CAPN2: variants seen among roughly 807,000 people sequenced by gnomAD.
The protein encoded by CAPN2 is calpain 2.
Under a neutral mutation model 102.3 loss-of-function variants are expected in CAPN2, and 92 were observed. The ratio of observed to expected loss-of-function variants is 0.90; its 90% CI spans 0.76 to 1.07. CAPN2 has a LOEUF of 1.07. Among genes scored for constraint, CAPN2 ranks in the 50% least tolerant of loss-of-function variants. CAPN2 has a pLI of 0.00. For missense variants in CAPN2, 800 were observed against 909.4 expected (o/e 0.88, Z 1.55); for synonymous variants, 340 against 355.4 (o/e 0.96, Z 0.49).
rs778826149 is a variant in CAPN2 at position 223,755,572 on chromosome 1, G to A, written c.1228G>A (p.Gly410Arg). The A allele has an allele frequency of 1.9e-6, 3 of 1,613,768 alleles. No individual in the cohort carries two copies. The highest frequency in any genetic ancestry group is 3.3e-5 in the Admixed American group (2 of 59,988). Residue 410 changes from glycine to arginine, a missense_variant, in exon 10 of 21, where the codon GGG (glycine) becomes AGG (arginine). Gly to Arg is a moderately radical substitution (Grantham distance 125). Coordinates refer to ENST00000295006, the MANE Select transcript of CAPN2 (RefSeq NM_001748.5). The surrounding 1 kb of genome is among the most constrained non-coding windows in gnomAD (Gnocchi z 4.1). ...DGESGCTFLV[G>R]LIQKHRRRQR... ...GGAGAGCGGCTGCACCTTCCTGGTG[G>A]GGCTCATTCAGAAGCACCGACGGCG...
rs1441581563 is a variant in CAPN2, at chr1:223,751,945, T to C, written c.900-52T>C. On this transcript the variant is annotated intron_variant, in intron 7 of 20. Transcript: ENST00000295006. ...TCCCTCTTCCTCAACTCTGGGGCCT[T>C]TGGGGAGAAATCATCGTACACTAAC... The C allele has an allele frequency of 9.6e-6, 12 of 1,254,984 alleles. No homozygotes were observed. The East Asian group carries it at 2.3e-4, about 24-fold the overall frequency. The allele number at this position is 1,254,984 out of a possible 1,614,324, so 77.7% of individuals were successfully genotyped here.
chr1:223,759,343 C>A lies in CAPN2; in HGVS notation c.1391C>A (p.Thr464Asn), dbSNP rs1422121995. ...AATCGCGCCAGGGAGCGCTCAGACA[C>A]CTTCATCAACCTCCGGGAGGTGCTC... Reference protein sequence around the residue: ...LTNRARERSDTFINLREVLNR... With the variant: ...LTNRARERSDNFINLREVLNR... The change falls in exon 12 of 21, where the codon ACC becomes AAC. Residue 464 changes from threonine to asparagine, a missense_variant. Transcript: ENST00000295006. The surrounding 1 kb of genome is among the most constrained non-coding windows in gnomAD (Gnocchi z 4.6). The A allele has an allele frequency of 5.0e-6, 8 of 1,614,120 alleles. No homozygotes were observed. The highest frequency in any genetic ancestry group is 4.2e-6 in the Non-Finnish European group (5 of 1,180,046).
Position 223,766,333 on chromosome 1 carries a change from A to G in CAPN2, c.1691-34A>G, listed in dbSNP as rs368807391. The stretch of plus-strand genomic sequence containing the variant: ...AGTTCAGTTGGACATCACCGCTCAG[A>G]GATTTTTCCTGTCACACTGATTTTG... On this transcript the variant is annotated intron_variant, in intron 15 of 20. Transcript: ENST00000295006. 5 of 1,555,826 alleles carry G rather than the reference A, an allele frequency of 3.2e-6. No individual in the cohort carries two copies. The African/African-American group carries it at 6.8e-5, about 21-fold the overall frequency.
chr1:223,728,362 G>A (rs990619878), intron 2 of CAPN2, among the ~76,000 whole-genome samples: 1 of 152,070 alleles, frequency 6.6e-6, no homozygotes, highest in African/African-American at 2.4e-5. Context: ...TCTCTTTTGT[G>A]GTCTCCCCAT....
At chr1:223,746,068 A>AAC (rs1294658228) in intron 4 of CAPN2, among the ~76,000 whole-genome samples, 1 of 152,136 alleles carries the variant, frequency 6.6e-6, no homozygotes, top group Non-Finnish European at 1.5e-5. Flanking sequence ...CCCTCTCCAC[A>AAC]ATGGCCCCAT....
intron 16 of CAPN2, among the ~76,000 whole-genome samples, chr1:223,767,440 TTTGG>T (rs1348108045): frequency 1.5e-4 from 21 of 141,322 alleles, no homozygotes; most frequent in African/African-American, 4.8e-4. Context: ...ATATGCGGTG[TTTGG>T]TTTTTTGTTC....
intron 2 of CAPN2, among the ~76,000 whole-genome samples, chr1:223,722,000 G>A (rs1660061033): frequency 6.6e-6 from 1 of 152,148 alleles, no homozygotes; most frequent in Non-Finnish European, 1.5e-5. Flanking sequence ...AAAAGAGGAT[G>A]GTGGAGGAAG....
At chr1:223,741,921 C>T (rs1176776601) in intron 2 of CAPN2, among the ~76,000 whole-genome samples, 3 of 151,968 alleles carry the variant, frequency 2.0e-5, no homozygotes, top group Non-Finnish European at 2.9e-5. Flanking sequence ...GGATTGCAGG[C>T]GTGAGCTACA....
rs760012895 is a variant in CAPN2, at chr1:223,771,888, T to C, written c.1983T>C (p.Asn661=). The C allele has an allele frequency of 4.0e-5, 65 of 1,613,998 alleles. No homozygotes were observed. In the Admixed American group the frequency reaches 1.0e-3, roughly 26 times the overall value. ...ADDQLIIDFD[N]FVRCLVRLET... Reference sequence around the variant, plus strand: ...ACCAGCTCATCATCGATTTTGATAATTTTGTTCGGTGTTTGGTTCGGCTGG... The same window carrying C: ...ACCAGCTCATCATCGATTTTGATAACTTTGTTCGGTGTTTGGTTCGGCTGG... Residue 661 remains asparagine, a synonymous_variant, in exon 19 of 21, where the codon AAT becomes AAC. Transcript: ENST00000295006.
In CAPN2 at chr1:223,775,005, C is replaced by A; in HGVS notation, c.*148C>A. The A allele has an allele frequency of 2.9e-6, 2 of 693,244 alleles. No individual in the cohort carries two copies. The highest frequency in any genetic ancestry group is 2.6e-5 in the Admixed American group (1 of 38,100). The allele number at this position is 693,244 out of a possible 1,614,324, so 42.9% of individuals were successfully genotyped here. On this transcript the variant is annotated 3_prime_UTR_variant, in exon 21 of 21. Coordinates refer to ENST00000295006, the MANE Select transcript of CAPN2 (RefSeq NM_001748.5). ...TCATAGCTGAAAATAATGATACTGT[C>A]AATTTGAGATAGCAGAAGTTTCACA...
chr1:223,753,315 C>T (rs1660953035), intron 9 of CAPN2, among the ~76,000 whole-genome samples: 1 of 152,224 alleles, frequency 6.6e-6, no homozygotes, highest in Non-Finnish European at 1.5e-5. Flanking sequence ...CCATGAGCTG[C>T]TCTATGCACC....
Position 223,725,439 on chromosome 1 carries a change from G to C in CAPN2, c.307+7608G>C. On this transcript the variant is annotated intron_variant, in intron 2 of 20. Transcript: ENST00000295006. This position sits in a 1 kb window ranked among gnomAD's most constrained non-coding sequence, Gnocchi z 4.1. The stretch of plus-strand genomic sequence containing the variant: ...ACTGTAAAGATGAAATGAAATAATA[G>C]ACATATAAAGCTCAGAGCTCCAGAG... 6.6e-6 allele frequency among the ~76,000 whole-genome samples: 1 copy of C among 151,982 alleles called. No homozygotes were observed. The highest frequency in any genetic ancestry group is 1.5e-5 in the Non-Finnish European group (1 of 67,996).
intron 13 of CAPN2, among the ~76,000 whole-genome samples, 174 bp from the exon 14 acceptor site, chr1:223,762,012 A>C (rs200065391): frequency 1.7e-4 from 22 of 128,012 alleles, no homozygotes; most frequent in East Asian, 8.7e-4. Context: ...GAAAAAAAAA[A>C]CCTTATATTA....
rs1558069870 is a variant in CAPN2 at position 223,745,394 on chromosome 1, A to G, written c.515A>G (p.Glu172Gly). 1.2e-6 allele frequency: 2 copies of G among 1,614,202 alleles called. No homozygotes were observed. The highest frequency in any genetic ancestry group is 4.5e-5 in the East Asian group (2 of 44,888). Residue 172 changes from glutamate to glycine, a missense_variant, in exon 4 of 21, where the codon GAA becomes GGA. Coordinates refer to ENST00000295006, the MANE Select transcript of CAPN2 (RefSeq NM_001748.5). Reference sequence around the variant, plus strand: ...GAGCTGCTCTTTGTGCATTCAGCCGAAGGGAGCGAGTTCTGGAGCGCCCTG... The same window carrying G: ...GAGCTGCTCTTTGTGCATTCAGCCGGAGGGAGCGAGTTCTGGAGCGCCCTG... ...DGELLFVHSA[E>G]GSEFWSALLE...
chr1:223,774,764 A>C, intron 20 of CAPN2, 70 bp from the exon 21 acceptor site: 2 of 1,387,932 alleles, frequency 1.4e-6, no homozygotes, highest in Non-Finnish European at 2.0e-6. Context: ...GGAACAATCT[A>C]CAGGTACTTA....
chr1:223,757,880 G>A (rs12563695), intron 11 of CAPN2: 1 of 150,736 alleles, frequency 6.6e-6, no homozygotes, highest in East Asian at 1.9e-4. Context: ...TTGTTTGTTT[G>A]TTTTTTGTCT....
intron 17 of CAPN2, 105 bp downstream of exon 17, chr1:223,770,014 A>G (rs41305132): frequency 1.0e-6 from 1 of 988,220 alleles, no homozygotes; most frequent in Non-Finnish European, 1.6e-6. Flanking sequence ...TTCCAAGGGG[A>G]TTGGGATTTT....
At chr1:223,745,194 C>G in intron 3 of CAPN2, 112 bp from the exon 4 acceptor site, 1 of 1,427,442 alleles carries the variant, frequency 7.0e-7, no homozygotes, top group East Asian at 2.4e-5. Context: ...CCAGGATGCG[C>G]TCATGGAACC....
chr1:223,772,225 C>T lies in CAPN2; in HGVS notation c.2065C>T (p.Leu689Phe), dbSNP rs1477737846. ...TCCCGAGAATACTGGAACAATAGAG[C>T]TCGACCTTATCTCTGTGAGTCAGCA... ...LDPENTGTIE[L>F]DLISWLCFSV... Residue 689 changes from leucine to phenylalanine, a missense_variant, in exon 20 of 21, where the codon CTC becomes TTC. By Grantham distance (22) the Leu-to-Phe change is conservative. Transcript: ENST00000295006. 14 of 1,614,064 alleles carry T rather than the reference C, an allele frequency of 8.7e-6. No homozygotes were observed. The highest frequency in any genetic ancestry group is 1.1e-5 in the Non-Finnish European group (13 of 1,179,944).
Sources: gnomAD v4.1 joint callset for allele counts (sites outside exome capture counted in the v4.1 genomes callset) on GRCh38, gnomAD v4.1.1 for gene constraint, Gnocchi (gnomAD v3.1) non-coding constraint, MANE v1.5 for transcripts, NCBI Gene and HGNC (gene_info 2026-07-23, HGNC 2026-07-21) for gene names.